TEX11: variants seen among roughly 807,000 people sequenced by gnomAD.
TEX11 encodes the protein testis-expressed protein 11.
In TEX11, 7 loss-of-function variants were observed where a neutral mutation model predicts 84.4. The ratio of observed to expected loss-of-function variants is 0.08; its 90% CI spans 0.05 to 0.16. The LOEUF is 0.16. Ranked by LOEUF, TEX11 falls within the 10% of genes least tolerant of loss-of-function variation. The pLI, the probability that TEX11 is intolerant of heterozygous loss-of-function variation, is 1.00. For synonymous variants in TEX11, 264 were observed against 222.8 expected (o/e 1.18, Z -1.64); for missense variants, 551 against 660.5 (o/e 0.83, Z 1.82).
intron 13 of TEX11, among the ~76,000 whole-genome samples, chrX:70,712,586 CTGTT>C (rs1165832228): frequency 1.8e-5 from 2 of 111,095 alleles, no homozygotes; most frequent in Non-Finnish European, 3.8e-5. Flanking sequence ...ATTTGGCTCT[CTGTT>C]TGTCTGTTAT....
At chrX:70,681,890 A>G (rs1034345093) in intron 14 of TEX11, among the ~76,000 whole-genome samples, 2 of 111,789 alleles carry the variant, frequency 1.8e-5, no homozygotes, top group African/African-American at 6.5e-5. Context: ...TAAAAAATTA[A>G]TGACTTTGTT....
At chrX:70,781,109 A>G (rs2091036349) in intron 9 of TEX11, among the ~76,000 whole-genome samples, 2 of 111,916 alleles carry the variant, frequency 1.8e-5, no homozygotes, top group South Asian at 7.5e-4. Context: ...AAGCTTCCAG[A>G]GAAAGGATCA....
chrX:70,853,423 T>A (rs969930901), intron 5 of TEX11, 95 bp from the exon 6 acceptor site: 3 of 576,291 alleles, frequency 5.2e-6, no homozygotes, highest in African/African-American at 4.6e-5. Context: ...CCTCTGTCCA[T>A]ATTCAGTCTT....
chrX:70,516,261 C>T, the TEX11 span, among the ~76,000 whole-genome samples: 1 of 112,123 alleles, frequency 8.9e-6, no homozygotes, highest in South Asian at 3.7e-4. Context: ...TTAGGTCTAA[C>T]ATTTAAGTCT....
chrX:70,796,139 A>G (rs907213904), intron 9 of TEX11, among the ~76,000 whole-genome samples: 6 of 111,958 alleles, frequency 5.4e-5, no homozygotes, highest in Middle Eastern at 4.6e-3. Context: ...CCTATCAGAT[A>G]TATCTAACAA....
At position 70,569,060 on chromosome X, in the gene TEX11, G is replaced by T. The variant is rs763338366; in HGVS notation, c.2141-14260C>A. On this transcript the variant is annotated intron_variant, in intron 25 of 29. Coordinates refer to ENST00000374333, the MANE Select transcript of TEX11 (RefSeq NM_031276.3). ...AGGTACACCAATCAGATGCAGATTT[G>T]GTCTTTTCACATAGTCCCATATTTC... Among the ~76,000 whole-genome samples, 4 of 111,483 alleles carry T rather than the reference G, an allele frequency of 3.6e-5. No individual in the cohort carries two copies. The East Asian group carries it at 1.1e-3, about 31-fold the overall frequency.
chrX:70,782,708 C>A (rs974158169), intron 9 of TEX11, among the ~76,000 whole-genome samples: 16 of 89,687 alleles, frequency 1.8e-4, no homozygotes, highest in Non-Finnish European at 2.6e-4. Context: ...ACACTTTAAA[C>A]CAGTAAAGAT....
intron 3 of TEX11, among the ~76,000 whole-genome samples, chrX:70,875,037 G>A (rs982656484): frequency 2.7e-5 from 3 of 109,430 alleles, no homozygotes; most frequent in African/African-American, 1.0e-4. Context: ...TTAGTCGTGC[G>A]TGGTGGCAGG....
At chrX:70,735,654 T>A (rs1389917208) in intron 11 of TEX11, among the ~76,000 whole-genome samples, 3 of 112,391 alleles carry the variant, frequency 2.7e-5, no homozygotes, top group Non-Finnish European at 3.8e-5. Context: ...AATTCCCAAA[T>A]TGATCTGCAG....
chrX:70,766,282 C>T (rs149200915), intron 9 of TEX11, among the ~76,000 whole-genome samples: 3 of 109,886 alleles, frequency 2.7e-5, no homozygotes, highest in East Asian at 2.8e-4. Flanking sequence ...CATGGTGGTG[C>T]GTGCCTGTAA....
chrX:70,770,423 A>G (rs1441031724), intron 9 of TEX11, among the ~76,000 whole-genome samples: 2 of 111,504 alleles, frequency 1.8e-5, no homozygotes, highest in Non-Finnish European at 3.8e-5. Context: ...CAGTATAGAA[A>G]TTACATAATC....
chrX:70,580,591 T>A (rs1371288394), intron 25 of TEX11, among the ~76,000 whole-genome samples: 1 of 112,356 alleles, frequency 8.9e-6, no homozygotes, highest in Non-Finnish European at 1.9e-5. Context: ...CTACAAAAAT[T>A]AAAAATAAAA....
At chrX:70,724,877 T>C (rs1330912300) in intron 12 of TEX11, among the ~76,000 whole-genome samples, 1 of 110,974 alleles carries the variant, frequency 9.0e-6, no homozygotes, top group Admixed American at 9.6e-5. Context: ...TTATGAAAAA[T>C]AAATAGCAAT....
At chrX:70,789,762 A>G in intron 9 of TEX11, among the ~76,000 whole-genome samples, 1 of 112,056 alleles carries the variant, frequency 8.9e-6, no homozygotes, top group East Asian at 2.8e-4. Flanking sequence ...TAAAATTACT[A>G]TATGATGCAG....
chrX:70,750,933 A>AT (rs1556039355), intron 9 of TEX11, among the ~76,000 whole-genome samples: 1,571 of 28,027 alleles, frequency 0.056, 68 homozygotes, highest in Middle Eastern at 0.12. Flanking sequence ...AAAAAAAAAA[A>AT]ATATATATAT....
chrX:70,858,818 A>G (rs1339238371), intron 5 of TEX11, among the ~76,000 whole-genome samples: 1 of 111,503 alleles, frequency 9.0e-6, no homozygotes, highest in Non-Finnish European at 1.9e-5. Context: ...TGGGCGGATC[A>G]CCTGAGCTCA....
chrX:70,689,694 T>A (rs1352560818), intron 13 of TEX11, among the ~76,000 whole-genome samples: 1 of 112,000 alleles, frequency 8.9e-6, no homozygotes, highest in Admixed American at 9.5e-5. Context: ...CGTATTGATA[T>A]AAAAATGGTT....
At chrX:70,662,603 T>G (rs1037907565) in intron 16 of TEX11, among the ~76,000 whole-genome samples, 91 of 111,229 alleles carry the variant, frequency 8.2e-4, no homozygotes, top group Non-Finnish European at 1.5e-3. Flanking sequence ...AAATGTTAAG[T>G]GCAGCCAGAG....
intron 9 of TEX11, among the ~76,000 whole-genome samples, chrX:70,762,627 T>C (rs371332754): frequency 9.2e-6 from 1 of 109,232 alleles, no homozygotes; most frequent in African/African-American, 3.3e-5. Flanking sequence ...GATGAAAGAG[T>C]TTCATCCAGA....
Sources: allele counts gnomAD v4.1 joint callset (sites outside exome capture counted in the v4.1 genomes callset), GRCh38; gene constraint gnomAD v4.1.1; transcripts MANE v1.5; gene names NCBI Gene and HGNC (gene_info 2026-07-23, HGNC 2026-07-21).